Variants in AFG2A observed in about 807,000 individuals in gnomAD.
AFG2A encodes the protein AAA ATPase AFG2A.
chr4:123,241,243 A>G, the AFG2A span, among the ~76,000 whole-genome samples: 1 of 152,236 alleles, frequency 6.6e-6, no homozygotes, highest in African/African-American at 2.4e-5. Flanking sequence ...AACTATTCCA[A>G]TCAATAGAAC....
At chr4:123,030,653 T>A in the AFG2A span, among the ~76,000 whole-genome samples, 1 of 152,218 alleles carries the variant, frequency 6.6e-6, no homozygotes, top group African/African-American at 2.4e-5. Flanking sequence ...TTTAGTGTGG[T>A]TCGACAGTAT....
chr4:123,093,505 G>T, the AFG2A span, among the ~76,000 whole-genome samples: 1 of 152,128 alleles, frequency 6.6e-6, no homozygotes, highest in Admixed American at 6.5e-5. Flanking sequence ...GTTGCCATCT[G>T]CTGGCTTTGG....
At chr4:123,174,827 ATAT>A in the AFG2A span, among the ~76,000 whole-genome samples, 34 of 142,480 alleles carry the variant, frequency 2.4e-4, no homozygotes, top group African/African-American at 7.4e-4. Context: ...TTTAAAAAAA[ATAT>A]ATATATATAT....
the AFG2A span, among the ~76,000 whole-genome samples, chr4:123,226,122 G>T: frequency 6.6e-6 from 1 of 152,178 alleles, no homozygotes; most frequent in Non-Finnish European, 1.5e-5. Flanking sequence ...CTGAGACGAA[G>T]GGGTTTTCTA....
chr4:123,223,238 G>A, the AFG2A span, among the ~76,000 whole-genome samples: 1 of 152,080 alleles, frequency 6.6e-6, no homozygotes, highest in South Asian at 2.1e-4. Context: ...ATGCTGACAG[G>A]TCTGAGGTGA....
the AFG2A span, among the ~76,000 whole-genome samples, chr4:123,226,054 T>C: frequency 1.3e-5 from 2 of 152,218 alleles, no homozygotes; most frequent in Admixed American, 6.5e-5. Flanking sequence ...TTTTTGCACA[T>C]TGATTTTGTA....
the AFG2A span, among the ~76,000 whole-genome samples, chr4:123,093,485 G>T: frequency 1.4e-4 from 22 of 152,192 alleles, 1 homozygote; most frequent in Admixed American, 1.4e-3. Context: ...CGCAGCTAGA[G>T]ATCGCTTTTG....
At chr4:123,232,557 G>T in the AFG2A span, among the ~76,000 whole-genome samples, 1 of 151,998 alleles carries the variant, frequency 6.6e-6, no homozygotes, top group African/African-American at 2.4e-5. Context: ...ACAGATTTGA[G>T]TCAGCTGAGA....
chr4:123,304,789 G>T, the AFG2A span, among the ~76,000 whole-genome samples: 1 of 152,148 alleles, frequency 6.6e-6, no homozygotes, highest in African/African-American at 2.4e-5. Context: ...TGCCGTGACC[G>T]AGCGCAGAGA....
the AFG2A span, among the ~76,000 whole-genome samples, chr4:123,203,110 C>T: frequency 3.3e-5 from 5 of 151,776 alleles, no homozygotes; most frequent in South Asian, 2.1e-4. Context: ...TCACTAAGCA[C>T]GTTGTTCTTT....
the AFG2A span, among the ~76,000 whole-genome samples, chr4:123,298,737 G>A: frequency 6.6e-6 from 1 of 152,146 alleles, no homozygotes; most frequent in Admixed American, 6.5e-5. Context: ...AACAAATCAA[G>A]AGTGTTCATT....
chr4:123,157,812 T>C, the AFG2A span, among the ~76,000 whole-genome samples: 1 of 152,100 alleles, frequency 6.6e-6, no homozygotes, highest in African/African-American at 2.4e-5. Context: ...CCCCCCTCTA[T>C]AAAAGAACAA....
chr4:123,195,799 T>C, the AFG2A span, among the ~76,000 whole-genome samples: 3 of 152,150 alleles, frequency 2.0e-5, no homozygotes, highest in African/African-American at 7.2e-5. Context: ...TGACAGCCAG[T>C]CTGACCTGAA....
chr4:123,267,687 A>T, the AFG2A span, among the ~76,000 whole-genome samples: 1 of 152,084 alleles, frequency 6.6e-6, no homozygotes, highest in Non-Finnish European at 1.5e-5. Flanking sequence ...CTGAATATGT[A>T]AAAGAACGTA....
the AFG2A span, chr4:122,947,396 C>A: frequency 9.3e-6 from 15 of 1,613,964 alleles, no homozygotes; most frequent in South Asian, 1.4e-4. Context: ...CGAAGGGTAC[C>A]CCATTTGCTC....
chr4:123,016,298 G>A, the AFG2A span, among the ~76,000 whole-genome samples: 6 of 151,326 alleles, frequency 4.0e-5, no homozygotes, highest in African/African-American at 1.2e-4. Context: ...GGTGGCTGCC[G>A]GGCAGAGACG....
At chr4:123,077,602 C>T in the AFG2A span, among the ~76,000 whole-genome samples, 13 of 152,164 alleles carry the variant, frequency 8.5e-5, no homozygotes, top group Non-Finnish European at 1.8e-4. Flanking sequence ...AGAGGTGATG[C>T]ATATGGGCCA....
chr4:123,295,628 C>T, the AFG2A span, among the ~76,000 whole-genome samples: 1 of 152,224 alleles, frequency 6.6e-6, no homozygotes, highest in Non-Finnish European at 1.5e-5. Flanking sequence ...GAGGCCAAGG[C>T]GGGCAGATCA....
At chr4:123,116,796 A>G in the AFG2A span, among the ~76,000 whole-genome samples, 2 of 152,246 alleles carry the variant, frequency 1.3e-5, no homozygotes, top group Non-Finnish European at 2.9e-5. Flanking sequence ...CAATATGGTG[A>G]TCTTGTGATA....
Sources: gnomAD v4.1 joint callset for allele counts (sites outside exome capture counted in the v4.1 genomes callset) on GRCh38, gnomAD v4.1.1 for gene constraint, MANE v1.5 for transcripts, NCBI Gene and HGNC (gene_info 2026-07-23, HGNC 2026-07-21) for gene names.